The following AGAP5 variants were observed in gnomAD, a reference collection of about 807,000 sequenced individuals.
The protein encoded by AGAP5 is arf-GAP with GTPase, ANK repeat and PH domain-containing protein 5.
Under a neutral mutation model 27.7 loss-of-function variants are expected in AGAP5, and 8 were observed. That is an observed-to-expected ratio of 0.29 (90% confidence interval 0.17 to 0.52). The LOEUF (loss-of-function observed/expected upper bound fraction) is 0.52, where lower values mean the gene tolerates loss of function less well. Ranked by LOEUF, AGAP5 falls within the 20% of genes least tolerant of loss-of-function variation. The probability of loss-of-function intolerance (pLI) is 0.97; values close to 1 mark genes in which losing one functional copy is unlikely to be tolerated. For missense variants in AGAP5, 285 were observed against 880.8 expected (o/e 0.32, Z 8.56); for synonymous variants, 111 against 338.0 (o/e 0.33, Z 7.37).
rs752970059 is a variant in AGAP5 at position 73,694,810 on chromosome 10, T to C, written c.293-6A>G. On this transcript the variant is annotated splice_polypyrimidine_tract_variant and splice_region_variant and intron_variant, in intron 2 of 7. Coordinates refer to ENST00000374094, the MANE Select transcript of AGAP5 (RefSeq NM_001144000.4). ...AGAAGGGTTAAACTCCAAAGCTATA[T>C]GCATAGAGGAAGAAAAGAAAAAAAG... 26 of 1,597,488 alleles carry C rather than the reference T, an allele frequency of 1.6e-5. No homozygotes were observed. The highest frequency in any genetic ancestry group is 1.6e-4 in the African/African-American group (12 of 74,776).
At chr10:73,697,412 C>A in intron 1 of AGAP5, 121 bp downstream of exon 1, 1 of 1,585,610 alleles carries the variant, frequency 6.3e-7, no homozygotes, top group South Asian at 1.1e-5. Flanking sequence ...CCTGGCCAGC[C>A]CCCGGGAAAG....
intron 4 of AGAP5, among the ~76,000 whole-genome samples, chr10:73,690,095 G>A (rs557662184): frequency 3.3e-5 from 5 of 152,344 alleles, no homozygotes; most frequent in Non-Finnish European, 7.4e-5. Context: ...CCACCACCCC[G>A]TCTGGGAGGT....
At chr10:73,677,376 CTTTTTT>C (rs3998276) in intron 6 of AGAP5, among the ~76,000 whole-genome samples, 1,023 of 32,480 alleles carry the variant, frequency 0.031, 1 homozygote, top group Non-Finnish European at 0.056. Flanking sequence ...CATAACTGTT[CTTTTTT>C]TTTTTTTTTT....
chr10:73,689,111 C>G (rs553349100), intron 4 of AGAP5, among the ~76,000 whole-genome samples: 1 of 152,210 alleles, frequency 6.6e-6, no homozygotes, highest in African/African-American at 2.4e-5. Context: ...TTCAGCCTGC[C>G]GAGTGCCTGC....
At chr10:73,690,932 C>A (rs1288224652) in intron 4 of AGAP5, among the ~76,000 whole-genome samples, 1 of 152,162 alleles carries the variant, frequency 6.6e-6, no homozygotes, top group Non-Finnish European at 1.5e-5. Context: ...AGTTGCCCCC[C>A]AAACAAACAT....
intron 4 of AGAP5, among the ~76,000 whole-genome samples, chr10:73,689,430 G>A (rs1310050535): frequency 4.7e-5 from 4 of 85,546 alleles, no homozygotes; most frequent in Admixed American, 1.6e-4. Flanking sequence ...AGTGAGGAGC[G>A]TCTCTGCCTG....
In AGAP5 at chr10:73,697,740, T is replaced by C; in HGVS notation, c.16A>G (p.Thr6Ala). MGNIL[T>A]CCVHPSVSLE... Reference sequence around the variant, plus strand: ...CTGACGCTAGGGTGCACACAACAGGTCAGTATGTTCCCCATGGGGCGCCTC... The same window carrying C: ...CTGACGCTAGGGTGCACACAACAGGCCAGTATGTTCCCCATGGGGCGCCTC... The change falls in exon 1 of 8, where the codon ACC becomes GCC. Residue 6 changes from threonine to alanine, a missense_variant. By Grantham distance (58) the Thr-to-Ala change is moderately conservative. Transcript: ENST00000374094. 6.3e-7 allele frequency: 1 copy of C among 1,597,678 alleles called. No individual in the cohort carries two copies. Among genetic ancestry groups the C allele is most frequent in the Non-Finnish European group, 8.5e-7 (1 of 1,179,770 alleles).
At chr10:73,688,769 TA>T (rs1311428761) in intron 4 of AGAP5, among the ~76,000 whole-genome samples, 2 of 151,970 alleles carry the variant, frequency 1.3e-5, no homozygotes, top group Non-Finnish European at 1.5e-5. Context: ...GTAGCCTCAA[TA>T]AAATGAAAAG....
At chr10:73,690,093 C>T (rs545289439) in intron 4 of AGAP5, among the ~76,000 whole-genome samples, 22 of 152,374 alleles carry the variant, frequency 1.4e-4, no homozygotes, top group East Asian at 9.6e-4. Context: ...GGCCACCACC[C>T]CGTCTGGGAG....
rs966145235 is a variant in AGAP5 at position 73,676,720 on chromosome 10, G to T, written c.584C>A (p.Ala195Glu). ...SIPDEQLHSF[A>E]VSTVHITKNR... Reference sequence around the variant, plus strand: ...AACCTCAATAAAAGTGCCACTTACCGCAAATGAGTGTAACTGTTCATCAGG... The same window carrying T: ...AACCTCAATAAAAGTGCCACTTACCTCAAATGAGTGTAACTGTTCATCAGG... Residue 195 changes from alanine to glutamate, a missense_variant and splice_region_variant, in exon 7 of 8, where the codon GCG becomes GAG. Physicochemically the swap from Ala to Glu is moderately radical, Grantham distance 107. Transcript: ENST00000374094. 2.7e-5 allele frequency: 29 copies of T among 1,072,616 alleles called. 7 individuals are homozygous for T. Among genetic ancestry groups the T allele is most frequent in the Non-Finnish European group, 3.7e-5 (27 of 725,848 alleles). 66.4% of individuals were successfully genotyped at this position (1,072,616 alleles called of 1,614,324 possible).
intron 3 of AGAP5, among the ~76,000 whole-genome samples, chr10:73,694,232 A>G (rs552948290): frequency 1.6e-4 from 24 of 152,332 alleles, no homozygotes; most frequent in Non-Finnish European, 3.5e-4. Context: ...ACTTTTGAGT[A>G]GCATAAACTT....
At chr10:73,688,301 A>T (rs936077210) in intron 4 of AGAP5, among the ~76,000 whole-genome samples, 3 of 152,212 alleles carry the variant, frequency 2.0e-5, no homozygotes, top group African/African-American at 7.2e-5. Flanking sequence ...TGTCTTCAAT[A>T]AAGATCCCCA....
rs1351440854 is a variant in AGAP5, at chr10:73,675,222, C to T, written c.1438G>A (p.Val480Met). ...TTAGGATTCTGGGTCTCATAGTCCA[C>T]ACAGTGGGCGTTCCCACGCATGTTT... is the stretch of plus-strand genomic sequence containing the variant. ...IQNMRGNAHC[V>M]DYETQNPKWA... The change falls in exon 8 of 8, where the codon GTG becomes ATG. Residue 480 changes from valine to methionine, a missense_variant. Transcript: ENST00000374094. The T allele has an allele frequency of 1.3e-6, 2 of 1,494,496 alleles. No homozygotes were observed. The highest frequency in any genetic ancestry group is 1.9e-6 in the Non-Finnish European group (2 of 1,076,852). 92.6% of individuals were successfully genotyped at this position (1,494,496 alleles called of 1,614,324 possible).
At chr10:73,688,615 T>C (rs1383405878) in intron 4 of AGAP5, among the ~76,000 whole-genome samples, 1 of 150,402 alleles carries the variant, frequency 6.6e-6, no homozygotes, top group African/African-American at 2.4e-5. Flanking sequence ...AAAGACAAAC[T>C]GAAAAAAATA....
intron 4 of AGAP5, among the ~76,000 whole-genome samples, chr10:73,691,771 C>T (rs2082121259): frequency 6.6e-6 from 1 of 152,126 alleles, no homozygotes; most frequent in Admixed American, 6.5e-5. Flanking sequence ...TGATTATAGA[C>T]GTTAGCCACC....
intron 7 of AGAP5, 24 bp downstream of exon 7, chr10:73,676,692 TAGA>T (rs1198973011): frequency 6.1e-6 from 6 of 990,914 alleles, no homozygotes; most frequent in Non-Finnish European, 7.5e-6. Flanking sequence ...ACGATGAAAA[TAGA>T]ACCTCAATAA....
chr10:73,678,293 G>A (rs1199072527), intron 6 of AGAP5, among the ~76,000 whole-genome samples: 5 of 151,998 alleles, frequency 3.3e-5, no homozygotes, highest in Admixed American at 2.6e-4. Context: ...CTACACAGGA[G>A]CCTGAGGTGA....
rs1018008814 is a variant in AGAP5, at chr10:73,685,644, C to T, written c.397-2850G>A. On this transcript the variant is annotated intron_variant, in intron 4 of 7. Transcript: ENST00000374094. ...CTTGGCTCACTGCAACCTCTGCCTC[C>T]GAGGTTCAAGCGATTCTCCTGCCTC... 2.6e-5 allele frequency among the ~76,000 whole-genome samples: 4 copies of T among 151,414 alleles called. 1 individual carries two copies. Among genetic ancestry groups the T allele is most frequent in the South Asian group, 4.2e-4 (2 of 4,774 alleles).
intron 2 of AGAP5, among the ~76,000 whole-genome samples, chr10:73,695,074 T>G (rs1394059417): frequency 6.7e-6 from 1 of 150,168 alleles, no homozygotes; most frequent in African/African-American, 2.4e-5. Flanking sequence ...CCTCCTTTAT[T>G]TAAAAAAAAA....
Sources: gnomAD v4.1 joint callset for allele counts (sites outside exome capture counted in the v4.1 genomes callset) on GRCh38, gnomAD v4.1.1 for gene constraint, MANE v1.5 for transcripts, NCBI Gene and HGNC (gene_info 2026-07-23, HGNC 2026-07-21) for gene names.